The following SGCZ variants were observed in gnomAD, a reference collection of about 807,000 sequenced individuals.
SGCZ encodes sarcoglycan zeta, also known as zeta-sarcoglycan.
SGCZ carries 40 observed loss-of-function variants against 41.3 expected under a neutral mutation model. The observed-to-expected ratio is 0.97, with a 90% confidence interval of 0.75 to 1.26. The LOEUF (loss-of-function observed/expected upper bound fraction) is 1.26. Among genes scored for constraint, SGCZ ranks in the 50% most tolerant of loss-of-function variants. The pLI, the probability that SGCZ is intolerant of heterozygous loss-of-function variation, is 0.00. For synonymous variants in SGCZ, 206 were observed against 137.5 expected (o/e 1.50, Z -3.49); for missense variants, 552 against 369.8 (o/e 1.49, Z -4.04).
At chr8:14,322,155 C>T (rs1017510175) in intron 3 of SGCZ, among the ~76,000 whole-genome samples, 12 of 152,096 alleles carry the variant, frequency 7.9e-5, no homozygotes, top group Non-Finnish European at 1.3e-4. Context: ...AGTGTATGTG[C>T]AGAGAATTTT....
At chr8:14,201,322 T>G (rs1350248662) in intron 4 of SGCZ, among the ~76,000 whole-genome samples, 1 of 152,182 alleles carries the variant, frequency 6.6e-6, no homozygotes, top group Non-Finnish European at 1.5e-5. Context: ...CCTGTATGCA[T>G]AAGCTTCTAG....
chr8:15,039,460 G>C (rs1803995567), intron 1 of SGCZ, among the ~76,000 whole-genome samples: 1 of 152,158 alleles, frequency 6.6e-6, no homozygotes, highest in African/African-American at 2.4e-5. Flanking sequence ...GGTTACCAAA[G>C]TTTGGAGGAT....
intron 1 of SGCZ, among the ~76,000 whole-genome samples, chr8:15,160,268 A>G (rs75665712): frequency 0.058 from 8,782 of 152,256 alleles, 322 homozygotes; most frequent in Non-Finnish European, 0.08. Context: ...TGTCCTCAAG[A>G]TTGGTCCATA....
At chr8:14,506,007 T>C (rs758298550) in intron 2 of SGCZ, among the ~76,000 whole-genome samples, 2 of 152,038 alleles carry the variant, frequency 1.3e-5, no homozygotes, top group East Asian at 1.9e-4. Context: ...ACTTTCTCAT[T>C]CTTCTTTTTT....
At chr8:14,398,620 G>C (rs79440426) in intron 2 of SGCZ, among the ~76,000 whole-genome samples, 1 of 151,232 alleles carries the variant, frequency 6.6e-6, no homozygotes, top group Admixed American at 6.6e-5. Context: ...CAAAGAAAAG[G>C]CTCAAGATTT....
At chr8:15,210,272 G>A (rs10104775) in intron 1 of SGCZ, among the ~76,000 whole-genome samples, 118,771 of 152,006 alleles carry the variant, frequency 0.78, 46,908 homozygotes, top group South Asian at 0.84. Flanking sequence ...CTTTTAGATG[G>A]ATTTACTGTT....
At chr8:15,159,420 C>G (rs1441314416) in intron 1 of SGCZ, among the ~76,000 whole-genome samples, 1 of 152,144 alleles carries the variant, frequency 6.6e-6, no homozygotes, top group Non-Finnish European at 1.5e-5. Flanking sequence ...TGACTTGAAA[C>G]CAGTCATCAG....
intron 4 of SGCZ, among the ~76,000 whole-genome samples, chr8:14,223,062 G>A (rs956061959): frequency 1.1e-4 from 16 of 151,702 alleles, no homozygotes; most frequent in African/African-American, 2.2e-4. Flanking sequence ...CACCTACCTC[G>A]GCCTCCCAAA....
At chr8:14,220,442 G>C (rs1376289786) in intron 4 of SGCZ, among the ~76,000 whole-genome samples, 2 of 152,206 alleles carry the variant, frequency 1.3e-5, no homozygotes, top group East Asian at 1.9e-4. Context: ...AGATGGTAGA[G>C]TCCTGAGCTT....
intron 1 of SGCZ, among the ~76,000 whole-genome samples, chr8:15,072,672 C>G (rs1563485643): frequency 6.6e-6 from 1 of 152,098 alleles, no homozygotes; most frequent in Non-Finnish European, 1.5e-5. Context: ...AGTAAGGAGT[C>G]ACAATGGGAG....
chr8:14,927,042 C>A (rs1478216230), intron 1 of SGCZ, among the ~76,000 whole-genome samples: 1 of 149,946 alleles, frequency 6.7e-6, no homozygotes, highest in Non-Finnish European at 1.5e-5. Flanking sequence ...GTATCAACTA[C>A]ATTTTTATAG....
intron 1 of SGCZ, among the ~76,000 whole-genome samples, chr8:14,705,808 C>A (rs1406427794): frequency 6.6e-6 from 1 of 151,918 alleles, no homozygotes; most frequent in South Asian, 2.1e-4. Flanking sequence ...TATTTTTACC[C>A]TTTTTTATTC....
intron 1 of SGCZ, among the ~76,000 whole-genome samples, chr8:15,126,154 AAAAC>A (rs747602142): frequency 2.5e-4 from 38 of 152,338 alleles, no homozygotes; most frequent in African/African-American, 7.5e-4. Flanking sequence ...TCAAAAAAGC[AAAAC>A]AAACAAACAA....
intron 1 of SGCZ, among the ~76,000 whole-genome samples, chr8:15,126,163 A>T (rs1807673446): frequency 6.6e-6 from 1 of 152,202 alleles, no homozygotes; most frequent in South Asian, 2.1e-4. Flanking sequence ...CAAAACAAAC[A>T]AACAAACAAA....
rs1482875355 is a variant in SGCZ at position 15,118,282 on chromosome 8, G to A, written c.39+119303C>T. 2.6e-5 allele frequency among the ~76,000 whole-genome samples: 4 copies of A among 152,168 alleles called. No homozygotes were observed. In the East Asian group the frequency reaches 7.7e-4, roughly 29 times the overall value. ...GAGCAGGGCAAAGATTTGAGGAAAT[G>A]TCTTTAAGAGAATAATTGTATTTTG... On this transcript the variant is annotated intron_variant, in intron 1 of 7. Coordinates refer to ENST00000382080, the MANE Select transcript of SGCZ (RefSeq NM_139167.4).
At chr8:14,233,373 T>C (rs186309761) in intron 4 of SGCZ, among the ~76,000 whole-genome samples, 21 of 151,736 alleles carry the variant, frequency 1.4e-4, no homozygotes, top group African/African-American at 4.8e-4. Context: ...CTTTGTAAAC[T>C]ACTTATAAAT....
intron 2 of SGCZ, among the ~76,000 whole-genome samples, chr8:14,512,581 T>C (rs1246035884): frequency 6.6e-6 from 1 of 151,928 alleles, no homozygotes; most frequent in Non-Finnish European, 1.5e-5. Context: ...TGCCTCAGCC[T>C]CCAGAGTAAC....
chr8:14,180,251 G>A (rs1257993453), intron 4 of SGCZ, among the ~76,000 whole-genome samples: 4 of 152,130 alleles, frequency 2.6e-5, no homozygotes, highest in African/African-American at 9.7e-5. Context: ...CCACCTCCAG[G>A]GTGGCATAAT....
intron 1 of SGCZ, among the ~76,000 whole-genome samples, chr8:15,196,260 T>C (rs1241231035): frequency 6.6e-6 from 1 of 152,188 alleles, no homozygotes; most frequent in African/African-American, 2.4e-5. Context: ...GATGCCACTG[T>C]TTTAAATACA....
Sources: allele counts gnomAD v4.1 joint callset (sites outside exome capture counted in the v4.1 genomes callset), GRCh38; gene constraint gnomAD v4.1.1; transcripts MANE v1.5; gene names NCBI Gene and HGNC (gene_info 2026-07-23, HGNC 2026-07-21).